AVL9: variants seen among roughly 807,000 people sequenced by gnomAD.
AVL9 encodes late secretory pathway protein AVL9 homolog.
Under a neutral mutation model 79.2 loss-of-function variants are expected in AVL9, and 49 were observed. The observed-to-expected ratio is 0.62, with a 90% CI of 0.49 to 0.79. The LOEUF (loss-of-function observed/expected upper bound fraction) is 0.79. Among genes scored for constraint, AVL9 ranks in the 30% least tolerant of loss-of-function variants. The pLI is 0.00. For synonymous variants in AVL9, 299 were observed against 280.6 expected (o/e 1.07, Z -0.65); for missense variants, 682 against 776.8 (o/e 0.88, Z 1.45).
chr7:32,501,954 A>T (rs2128111258), intron 1 of AVL9, among the ~76,000 whole-genome samples: 1 of 152,270 alleles, frequency 6.6e-6, no homozygotes, highest in East Asian at 1.9e-4. Context: ...TTTTATATGG[A>T]TTAAGAACTC....
chr7:32,530,174 G>A (rs1015387231), intron 1 of AVL9, among the ~76,000 whole-genome samples: 12 of 152,136 alleles, frequency 7.9e-5, no homozygotes, highest in Non-Finnish European at 1.6e-4. Context: ...CATGACCAAG[G>A]TGTGTGTTTT....
At chr7:32,506,269 A>C (rs999593376) in intron 1 of AVL9, among the ~76,000 whole-genome samples, 2 of 152,246 alleles carry the variant, frequency 1.3e-5, no homozygotes, top group African/African-American at 4.8e-5. Context: ...AAAAATAACT[A>C]GTAGTAAAAT....
At chr7:32,526,828 AAG>A (rs1387268587) in intron 1 of AVL9, among the ~76,000 whole-genome samples, 1 of 152,136 alleles carries the variant, frequency 6.6e-6, no homozygotes, top group Non-Finnish European at 1.5e-5. Context: ...CGCAGAGCGA[AAG>A]AGAGTCCCAA....
At chr7:32,565,727 G>A (rs1038317977) in intron 10 of AVL9, among the ~76,000 whole-genome samples, 3 of 151,884 alleles carry the variant, frequency 2.0e-5, no homozygotes, top group Non-Finnish European at 4.4e-5. Flanking sequence ...ATTAGCTGGA[G>A]CCAGGTGCGA....
chr7:32,551,605 C>CTTT (rs60271681), intron 5 of AVL9, among the ~76,000 whole-genome samples, 182 bp downstream of exon 5: 6 of 93,780 alleles, frequency 6.4e-5, no homozygotes, highest in African/African-American at 1.7e-4. Flanking sequence ...TTTAACCAAA[C>CTTT]TTTTTTTTTT....
intron 10 of AVL9, among the ~76,000 whole-genome samples, chr7:32,563,890 A>C (rs1790438338): frequency 6.6e-6 from 1 of 152,166 alleles, no homozygotes; most frequent in Non-Finnish European, 1.5e-5. Context: ...TTCATGATTA[A>C]ATCAATGCAG....
chr7:32,495,933 T>G (rs1311923562), intron 1 of AVL9, 131 bp downstream of exon 1: 2 of 504,628 alleles, frequency 4.0e-6, no homozygotes, highest in Admixed American at 4.4e-5. Flanking sequence ...CCTTCGCCTC[T>G]CAACCTGACT....
chr7:32,506,180 C>T (rs974890825), intron 1 of AVL9, among the ~76,000 whole-genome samples: 9 of 151,702 alleles, frequency 5.9e-5, no homozygotes, highest in East Asian at 1.9e-4. Context: ...TAAAATGTTT[C>T]GACTTTTTAA....
intron 15 of AVL9, among the ~76,000 whole-genome samples, chr7:32,582,256 T>C (rs1791544964): frequency 1.3e-5 from 2 of 152,160 alleles, no homozygotes; most frequent in African/African-American, 4.8e-5. Flanking sequence ...GCATTACTAC[T>C]TCCCTAGCTT....
At chr7:32,534,807 G>A (rs1788822593) in intron 1 of AVL9, 1 of 152,174 alleles carries the variant, frequency 6.6e-6, no homozygotes, top group Non-Finnish European at 1.5e-5. Flanking sequence ...AATTAGCCAG[G>A]TGTGGTGGCA....
At chr7:32,581,038 T>G in intron 15 of AVL9, 148 bp downstream of exon 15, 1 of 720,260 alleles carries the variant, frequency 1.4e-6, no homozygotes, top group Non-Finnish European at 2.3e-6. Flanking sequence ...TTTGTCATAT[T>G]CATTTGAAAA....
At chr7:32,583,425 C>CAGTG (rs1040276775) in intron 15 of AVL9, among the ~76,000 whole-genome samples, 2 of 152,194 alleles carry the variant, frequency 1.3e-5, no homozygotes, top group Non-Finnish European at 2.9e-5. Context: ...TGGCTGGGCA[C>CAGTG]AGTGGCTCAC....
chr7:32,505,990 A>ATTAT (rs1787396493), intron 1 of AVL9, among the ~76,000 whole-genome samples: 1 of 152,134 alleles, frequency 6.6e-6, no homozygotes, highest in Non-Finnish European at 1.5e-5. Flanking sequence ...CCTAAACATA[A>ATTAT]TCTCTGCTTG....
intron 13 of AVL9, among the ~76,000 whole-genome samples, chr7:32,577,052 G>C (rs543834162): frequency 6.6e-6 from 1 of 151,892 alleles, no homozygotes. Context: ...TAAAAGATAA[G>C]GCCAGGCACA....
intron 1 of AVL9, among the ~76,000 whole-genome samples, chr7:32,503,319 G>GATATATATATATAT (rs371363185): frequency 8.3e-5 from 10 of 120,614 alleles, no homozygotes; most frequent in South Asian, 6.1e-4. Context: ...TCTACTAAAA[G>GATATATATATATAT]ATATATATAT....
intron 1 of AVL9, among the ~76,000 whole-genome samples, chr7:32,541,084 G>A (rs1050160865): frequency 3.3e-5 from 5 of 151,554 alleles, no homozygotes; most frequent in Admixed American, 6.6e-5. Context: ...TGTATTTTTA[G>A]TAGAGACGGG....
chr7:32,522,686 G>C (rs965017314), intron 1 of AVL9, among the ~76,000 whole-genome samples: 4 of 152,066 alleles, frequency 2.6e-5, no homozygotes, highest in African/African-American at 9.7e-5. Flanking sequence ...AGGCACGATT[G>C]GTTTTGAAAT....
intron 10 of AVL9, among the ~76,000 whole-genome samples, chr7:32,566,180 A>ATCTTTTGTTTTTTTTTTTT (rs70992731): frequency 1.1e-5 from 1 of 93,878 alleles, no homozygotes; most frequent in African/African-American, 4.2e-5. Flanking sequence ...TATTATTATT[A>ATCTTTTGTTTTTTTTTTTT]TTTTTTTTTT....
At chr7:32,582,659 A>G (rs985860369) in intron 15 of AVL9, among the ~76,000 whole-genome samples, 5 of 152,130 alleles carry the variant, frequency 3.3e-5, no homozygotes, top group African/African-American at 1.2e-4. Context: ...GTGGGAGTGT[A>G]TTAGTCAACT....
Sources: gnomAD v4.1 joint callset for allele counts (sites outside exome capture counted in the v4.1 genomes callset) on GRCh38, gnomAD v4.1.1 for gene constraint, MANE v1.5 for transcripts, NCBI Gene and HGNC (gene_info 2026-07-23, HGNC 2026-07-21) for gene names.